The following ARFGEF3 variants were observed in gnomAD, a reference collection of about 807,000 sequenced individuals.
ARFGEF3 encodes the protein brefeldin A-inhibited guanine nucleotide-exchange protein 3.
ARFGEF3 carries 96 observed loss-of-function variants against 221.7 expected under a neutral mutation model. The ratio of observed to expected loss-of-function variants is 0.43; its 90% confidence interval spans 0.37 to 0.51. The LOEUF (loss-of-function observed/expected upper bound fraction) is 0.51. ARFGEF3 is among the 20% of genes least tolerant of loss of function. ARFGEF3 has a pLI of 0.00. For synonymous variants in ARFGEF3, 1,145 were observed against 1,126.8 expected (o/e 1.02, Z -0.32); for missense variants, 2,410 against 2,789.9 (o/e 0.86, Z 3.07).
rs756310380 is a variant in ARFGEF3 at position 138,336,314 on chromosome 6, T to C, written c.6362T>C (p.Leu2121Pro). ...AQIQAWTNMVLTVLNQIQILP... is the reference protein window; with the variant it reads ...AQIQAWTNMVPTVLNQIQILP... ...TCTTAGGCATGGACCAACATGGTGC[T>C]AACAGTTCTCAATCAGATTCAGATT... is the stretch of plus-strand genomic sequence containing the variant. Residue 2121 changes from leucine (L) to proline (P), a missense_variant, in exon 34 of 34, where the codon CTA becomes CCA. By Grantham distance (98) the Leu-to-Pro change is moderately conservative (BLOSUM62 -3). Around this residue, in one of 5 missense-constraint regions of ARFGEF3, gnomAD observed 339 missense variants for 334.9 expected, o/e 1.01. Transcript: ENST00000251691. 6.3e-7 allele frequency: 1 copy of C among 1,594,610 alleles called. No homozygotes were observed. Among genetic ancestry groups the C allele is most frequent in the Non-Finnish European group, 8.5e-7 (1 of 1,171,000 alleles).
Position 138,294,089 on chromosome 6 carries a change from T to C in ARFGEF3, c.3465T>C (p.Ser1155=). ...CATCGCAGTCTCAGCTTTTCCATTC[T>C]GTTACAGATACAGTTGATTACTCTC... The part of the protein sequence containing the change: ...KKASQSQLFH[S]VTDTVDYSLA... The change falls in exon 20 of 34, where the codon TCT becomes TCC. Residue 1155 remains serine (S), a synonymous_variant. Coordinates refer to ENST00000251691, the MANE Select transcript of ARFGEF3 (RefSeq NM_020340.5). 3 of 1,614,006 alleles carry C rather than the reference T, an allele frequency of 1.9e-6. No homozygotes were observed. In the South Asian group the frequency reaches 3.3e-5, roughly 18 times the overall value.
chr6:138,333,860 A>C lies in ARFGEF3; in HGVS notation c.5124-110A>C, dbSNP rs1467257906. 4 of 1,220,700 alleles carry C rather than the reference A, an allele frequency of 3.3e-6. No individual in the cohort carries two copies. The Admixed American group carries it at 1.0e-4, about 32-fold the overall frequency. The allele number at this position is 1,220,700 out of a possible 1,614,324, so 75.6% of individuals were successfully genotyped here. The stretch of plus-strand genomic sequence containing the variant: ...GAAGACATTTGAGTAGAGGTAGTTT[A>C]GTTTGTAAATTTGCATAGATCGTTC... On this transcript the variant is annotated intron_variant, in intron 32 of 33. Coordinates refer to ENST00000251691, the MANE Select transcript of ARFGEF3 (RefSeq NM_020340.5).
chr6:138,324,344 C>G (rs910410103), intron 31 of ARFGEF3, among the ~76,000 whole-genome samples, 190 bp downstream of exon 31: 1 of 152,190 alleles, frequency 6.6e-6, no homozygotes, highest in African/African-American at 2.4e-5. Context: ...GCATTACCTC[C>G]TGTCCATCAT....
At position 138,311,521 on chromosome 6, in the gene ARFGEF3, G is replaced by A. The variant is rs752112481; in HGVS notation, c.4200+11G>A. On this transcript the variant is annotated intron_variant, in intron 25 of 33. Transcript: ENST00000251691. ...AGGCGCTGCTCTCAGGTAGGGGAAT[G>A]GTCCAGCTGGGCTCCCGGCCTGGAA... 3.8e-6 allele frequency: 6 copies of A among 1,564,788 alleles called. No individual in the cohort carries two copies. The highest frequency in any genetic ancestry group is 2.3e-5 in the South Asian group (2 of 85,612).
intron 1 of ARFGEF3, among the ~76,000 whole-genome samples, chr6:138,166,512 A>G (rs779871262): frequency 2.0e-5 from 3 of 152,182 alleles, no homozygotes; most frequent in Non-Finnish European, 4.4e-5. Flanking sequence ...CTAATAAGGC[A>G]TATGTATGTA....
At chr6:138,234,875 A>G (rs562657769) in intron 5 of ARFGEF3, among the ~76,000 whole-genome samples, 1 of 152,340 alleles carries the variant, frequency 6.6e-6, no homozygotes, top group African/African-American at 2.4e-5. Context: ...AGCAGTGCCA[A>G]TAACCCCATT....
rs535487965 is a variant in ARFGEF3, at chr6:138,209,764, G to A, written c.220-146G>A. 1.3e-5 allele frequency: 13 copies of A among 977,068 alleles called. No homozygotes were observed. The East Asian group carries it at 1.4e-4, about 10-fold the overall frequency. 60.5% of individuals were successfully genotyped at this position (977,068 alleles called of 1,614,324 possible). On this transcript the variant is annotated intron_variant, in intron 3 of 33. Coordinates refer to ENST00000251691, the MANE Select transcript of ARFGEF3 (RefSeq NM_020340.5). ...CCCTGGCCGCATTTTTCTTTTTAAC[G>A]GCACATAGCGTAAGTTCTTTCTTAA...
intron 3 of ARFGEF3, among the ~76,000 whole-genome samples, chr6:138,208,657 C>T (rs967841044): frequency 6.6e-6 from 1 of 152,108 alleles, no homozygotes; most frequent in Non-Finnish European, 1.5e-5. Flanking sequence ...AATTGCAGTC[C>T]TTGTGAATGA....
At position 138,317,271 on chromosome 6, in the gene ARFGEF3, A is replaced by G. The variant is rs1323090633; in HGVS notation, c.4366A>G (p.Ile1456Val). 3.1e-6 allele frequency: 5 copies of G among 1,613,956 alleles called. No individual in the cohort carries two copies. In the South Asian group the frequency reaches 5.5e-5, roughly 18 times the overall value. Residue 1456 changes from isoleucine (I) to valine (V), a missense_variant, in exon 27 of 34, where the codon ATC becomes GTC. By Grantham distance (29) the Ile-to-Val change is conservative. Around this residue, in one of 5 missense-constraint regions of ARFGEF3, gnomAD observed 723 missense variants for 991.9 expected, o/e 0.73. Coordinates refer to ENST00000251691, the MANE Select transcript of ARFGEF3 (RefSeq NM_020340.5). ...TCCAGGTCTGATAGAAGTCTGGATAATCCTGCTGGAGCAGCTGACAGCGGC... is the reference window on the plus strand; with the variant it reads ...TCCAGGTCTGATAGAAGTCTGGATAGTCCTGCTGGAGCAGCTGACAGCGGC... Reference protein sequence around the residue: ...DDTGLIEVWIILLEQLTAAVS... With the variant: ...DDTGLIEVWIVLLEQLTAAVS...
chr6:138,178,211 T>A (rs1376035168), intron 2 of ARFGEF3, among the ~76,000 whole-genome samples: 1 of 152,198 alleles, frequency 6.6e-6, no homozygotes, highest in Admixed American at 6.5e-5. Flanking sequence ...TCTTATGTCC[T>A]AGGCCATCTC....
At position 138,317,729 on chromosome 6, in the gene ARFGEF3, C is replaced by T. The variant is rs529783388; in HGVS notation, c.4474+350C>T. Among the ~76,000 whole-genome samples, 5 of 152,284 alleles carry T rather than the reference C, an allele frequency of 3.3e-5. No homozygotes were observed. In the South Asian group the frequency reaches 6.2e-4, roughly 19 times the overall value. ...TCACAGCCTTCCTTTGTGGCAGGAT[C>T]TCACAGTCACATGCTCTTGGCCCTT... is the stretch of plus-strand genomic sequence containing the variant. On this transcript the variant is annotated intron_variant, in intron 27 of 33. Transcript: ENST00000251691.
intron 1 of ARFGEF3, among the ~76,000 whole-genome samples, chr6:138,168,319 G>A (rs924824730): frequency 6.6e-6 from 1 of 152,198 alleles, no homozygotes; most frequent in Non-Finnish European, 1.5e-5. Flanking sequence ...CATTTAAATA[G>A]GGTATTCACG....
rs1418923747 is a variant in ARFGEF3 at position 138,162,727 on chromosome 6, C to A, written c.85+556C>A. Among the ~76,000 whole-genome samples, 1 of 152,124 alleles carries A rather than the reference C, an allele frequency of 6.6e-6. No individual in the cohort carries two copies. The highest frequency in any genetic ancestry group is 1.5e-5 in the Non-Finnish European group (1 of 68,030). ...ATTCTGTTGTGGTCTGCCCTTCAGA[C>A]AGGTGGGATTTTAGGGCTGTGAGCT... is the stretch of plus-strand genomic sequence containing the variant. On this transcript the variant is annotated intron_variant, in intron 1 of 33. Transcript: ENST00000251691. The surrounding 1 kb of genome is among the most constrained non-coding windows in gnomAD (Gnocchi z 4.7).
intron 10 of ARFGEF3, among the ~76,000 whole-genome samples, chr6:138,257,627 T>C (rs1464606330): frequency 6.6e-6 from 1 of 152,094 alleles, no homozygotes; most frequent in Non-Finnish European, 1.5e-5. Flanking sequence ...CACGGTCTTT[T>C]CCTGTATCAT....
chr6:138,187,963 T>C (rs1402853305), intron 2 of ARFGEF3, among the ~76,000 whole-genome samples: 2 of 152,160 alleles, frequency 1.3e-5, no homozygotes, highest in Non-Finnish European at 2.9e-5. Context: ...GGGTTTAATC[T>C]AGGGAAAGGA....
intron 2 of ARFGEF3, among the ~76,000 whole-genome samples, chr6:138,202,174 C>T (rs952813834): frequency 6.6e-6 from 1 of 152,168 alleles, no homozygotes; most frequent in South Asian, 2.1e-4. Flanking sequence ...AAAAAATAAT[C>T]GCCTAATGTA....
Position 138,263,449 on chromosome 6 carries a change from G to A in ARFGEF3, c.1966G>A (p.Ala656Thr). 6 of 1,613,960 alleles carry A rather than the reference G, an allele frequency of 3.7e-6. No individual in the cohort carries two copies. Among genetic ancestry groups the A allele is most frequent in the Non-Finnish European group, 3.4e-6 (4 of 1,179,892 alleles). ...DCLGHRSLRT[A>T]ALSLKLLKNQ... is the part of the protein sequence containing the mutation. ...CCTAGGCCACCGGTCCCTGCGAACT[G>A]CCGCCCTGTCTCTAAAACTGCTGAA... The change falls in exon 12 of 34, where the codon GCC becomes ACC. Residue 656 changes from alanine to threonine, a missense_variant. Around this residue, in one of 5 missense-constraint regions of ARFGEF3, gnomAD observed 594 missense variants for 734.3 expected, o/e 0.81. Coordinates refer to ENST00000251691, the MANE Select transcript of ARFGEF3 (RefSeq NM_020340.5).
At chr6:138,187,321 T>TGTTTGTTCAGAGCTAAACA (rs1432464564) in intron 2 of ARFGEF3, among the ~76,000 whole-genome samples, 1 of 152,236 alleles carries the variant, frequency 6.6e-6, no homozygotes, top group Non-Finnish European at 1.5e-5. Flanking sequence ...TTATCCCCTC[T>TGTTTGTTCAGAGCTAAACA]GTTTGTTCAG....
chr6:138,329,541 G>A (rs148672021), intron 32 of ARFGEF3, among the ~76,000 whole-genome samples: 63 of 152,308 alleles, frequency 4.1e-4, no homozygotes, highest in African/African-American at 1.3e-3. Flanking sequence ...GCATGCACCT[G>A]TAGTCCCAGC....
Sources: gnomAD v4.1 joint callset for allele counts (sites outside exome capture counted in the v4.1 genomes callset) on GRCh38, gnomAD v4.1.1 for gene constraint, gnomAD v4.1.1 regional missense constraint, Gnocchi (gnomAD v3.1) non-coding constraint, MANE v1.5 for transcripts, NCBI Gene and HGNC (gene_info 2026-07-23, HGNC 2026-07-21) for gene names.